DMPK: variants seen among roughly 807,000 people sequenced by gnomAD.
The protein encoded by DMPK is DM1 protein kinase.
Under a neutral mutation model 70.3 loss-of-function variants are expected in DMPK, and 32 were observed. The observed-to-expected ratio is 0.46, with a 90% CI of 0.34 to 0.61. DMPK has a LOEUF of 0.61. Ranked by LOEUF, DMPK falls within the 20% of genes least tolerant of loss-of-function variation. DMPK has a pLI of 0.01. For missense variants in DMPK, 899 were observed against 886.0 expected (o/e 1.01, Z -0.19); for synonymous variants, 469 against 390.9 (o/e 1.20, Z -2.36).
chr19:45,778,487 A>T lies in DMPK; in HGVS notation c.581+6T>A. The T allele has an allele frequency of 1.2e-6, 2 of 1,612,632 alleles. No homozygotes were observed. The highest frequency in any genetic ancestry group is 1.7e-6 in the Non-Finnish European group (2 of 1,179,446). On this transcript the variant is annotated splice_donor_region_variant and intron_variant, in intron 5 of 14. Transcript: ENST00000291270. ...CTTGCTATCCCCTCGGCCATGCTGC[A>T]CCCACCTGTGCACGTAGCCAAGCCG... is the stretch of plus-strand genomic sequence containing the variant.
rs1168457946 is a variant in DMPK, at chr19:45,779,763, C to A, written c.252+15G>T. On this transcript the variant is annotated intron_variant, in intron 2 of 14. Coordinates refer to ENST00000291270, the MANE Select transcript of DMPK (RefSeq NM_004409.5). Reference sequence around the variant, plus strand: ...CACCACGAGTCAAGTCAGGCTCCCGCCCGGTTCGGCTTACCTCGCTGAACG... The same window carrying A: ...CACCACGAGTCAAGTCAGGCTCCCGACCGGTTCGGCTTACCTCGCTGAACG... The A allele has an allele frequency of 6.5e-7, 1 of 1,546,656 alleles. No individual in the cohort carries two copies. The highest frequency in any genetic ancestry group is 8.7e-7 in the Non-Finnish European group (1 of 1,146,512).
rs1283740147 is a variant in DMPK at position 45,777,777 on chromosome 19, C to T, written c.772G>A (p.Glu258Lys). The T allele has an allele frequency of 4.3e-6, 7 of 1,612,928 alleles. No homozygotes were observed. Among genetic ancestry groups the T allele is most frequent in the African/African-American group, 2.7e-5 (2 of 74,932 alleles). ...GGPGTGSYGP[E>K]CDWWALGVFA... ...ACACCCAGCGCCCACCAGTCACACTCGGGCCCGTAGCTGCCTGTCCCAGGC... is the reference window on the plus strand; with the variant it reads ...ACACCCAGCGCCCACCAGTCACACTTGGGCCCGTAGCTGCCTGTCCCAGGC... Residue 258 changes from glutamate to lysine, a missense_variant, in exon 7 of 15, where the codon GAG becomes AAG. Glu to Lys is a moderately conservative substitution (Grantham distance 56, BLOSUM62 1). Coordinates refer to ENST00000291270, the MANE Select transcript of DMPK (RefSeq NM_004409.5). This position sits in a 1 kb window ranked among gnomAD's most constrained non-coding sequence, Gnocchi z 6.7.
chr19:45,777,884 A>G lies in DMPK; in HGVS notation c.676-11T>C, dbSNP rs763738699. ...CACCAGCGACCGCACCTGGACCAAA[A>G]GGAGCAGAGCGAGGCTTGGGCCCAC... On this transcript the variant is annotated splice_polypyrimidine_tract_variant and intron_variant, in intron 6 of 14. Transcript: ENST00000291270. The surrounding 1 kb of genome is among the most constrained non-coding windows in gnomAD (Gnocchi z 6.7). 6.2e-7 allele frequency: 1 copy of G among 1,602,424 alleles called. No homozygotes were observed. The highest frequency in any genetic ancestry group is 1.1e-5 in the South Asian group (1 of 90,496).
In DMPK at chr19:45,771,343, G is replaced by T. The variant is rs747430642; in HGVS notation, c.1647+7C>A. The stretch of plus-strand genomic sequence containing the variant: ...GGTCTGAGGCAGGGGAAAGAGAGGG[G>T]TCTTACATGGGAAGGTGGATCCGTG... On this transcript the variant is annotated splice_region_variant and intron_variant, in intron 13 of 14. Coordinates refer to ENST00000291270, the MANE Select transcript of DMPK (RefSeq NM_004409.5). The T allele has an allele frequency of 1.9e-5, 31 of 1,592,850 alleles. No individual in the cohort carries two copies. Among genetic ancestry groups the T allele is most frequent in the South Asian group, 1.7e-4 (15 of 88,578 alleles).
chr19:45,781,849 A>G (rs1289220418), intron 1 of DMPK, among the ~76,000 whole-genome samples: 1 of 152,126 alleles, frequency 6.6e-6, no homozygotes, highest in African/African-American at 2.4e-5. Context: ...GGAGGGTCCT[A>G]GGAGAGGGAG....
In DMPK at chr19:45,778,124, C is replaced by T. The variant is rs373890653; in HGVS notation, c.675+3G>A. ...TTGCTCTGTGGCCAGGGCACTGGCT[C>T]ACCGTTCCATCTGCCCGCAGCTTGA... is the stretch of plus-strand genomic sequence containing the variant. On this transcript the variant is annotated splice_donor_region_variant and intron_variant, in intron 6 of 14. Coordinates refer to ENST00000291270, the MANE Select transcript of DMPK (RefSeq NM_004409.5). 7 of 1,608,510 alleles carry T rather than the reference C, an allele frequency of 4.4e-6. No individual in the cohort carries two copies. In the African/African-American group the frequency reaches 9.4e-5, roughly 22 times the overall value.
At position 45,771,158 on chromosome 19, in the gene DMPK, C is replaced by G. The variant is rs772841620; in HGVS notation, c.1648-98G>C. Reference sequence around the variant, plus strand: ...GGGGAATCGAGGTTGGGGAGGTTATCTAGGGAGATCCCGGAGGGAATCTGG... The same window carrying G: ...GGGGAATCGAGGTTGGGGAGGTTATGTAGGGAGATCCCGGAGGGAATCTGG... On this transcript the variant is annotated intron_variant, in intron 13 of 14. Coordinates refer to ENST00000291270, the MANE Select transcript of DMPK (RefSeq NM_004409.5). 1.4e-5 allele frequency: 17 copies of G among 1,192,800 alleles called. No individual in the cohort carries two copies. The highest frequency in any genetic ancestry group is 2.0e-5 in the Non-Finnish European group (17 of 859,180). 73.9% of individuals were successfully genotyped at this position (1,192,800 alleles called of 1,614,324 possible). A position where few individuals can be genotyped will look rare whatever the true frequency, so the allele number is the denominator to read the frequency against.
rs1420258134 is a variant in DMPK at position 45,770,244 on chromosome 19, C to CAGCAGCAGCAGCAGCAGCAGCAGG, written c.*243_*244insCCTGCTGCTGCTGCTGCTGCTGCT. ...GCAGCAGCAGCAGCAGCAGCAGCAG[C>CAGCAGCAGCAGCAGCAGCAGCAGG]AGCAGCAGCAGCAGCAGCAGCATTC... is the stretch of plus-strand genomic sequence containing the variant. On this transcript the variant is annotated 3_prime_UTR_variant, in exon 15 of 15. Transcript: ENST00000291270. The CAGCAGCAGCAGCAGCAGCAGCAGG allele has an allele frequency of 4.8e-6, 2 of 412,514 alleles. No homozygotes were observed. Among genetic ancestry groups the CAGCAGCAGCAGCAGCAGCAGCAGG allele is most frequent in the Non-Finnish European group, 7.5e-6 (2 of 267,448 alleles). The allele number at this position is 412,514 out of a possible 1,614,324, so 25.6% of individuals were successfully genotyped here. A position where few individuals can be genotyped will look rare whatever the true frequency, so the allele number is the denominator to read the frequency against.
In DMPK at chr19:45,771,409, G is replaced by C; in HGVS notation, c.1601-13C>G. The C allele has an allele frequency of 1.9e-6, 3 of 1,609,036 alleles. No individual in the cohort carries two copies. The highest frequency in any genetic ancestry group is 2.2e-5 in the South Asian group (2 of 90,798). On this transcript the variant is annotated splice_polypyrimidine_tract_variant and intron_variant, in intron 12 of 14. Transcript: ENST00000291270. The stretch of plus-strand genomic sequence containing the variant: ...ACCCCCGTGACAGCTGGAAGGAGAA[G>C]AAAGAGGCATAGGGCGCGTGGAGGG...
intron 3 of DMPK, 33 bp downstream of exon 3, chr19:45,779,406 C>T: frequency 6.2e-7 from 1 of 1,613,878 alleles, no homozygotes; most frequent in Non-Finnish European, 8.5e-7. Flanking sequence ...GGCGCGGATC[C>T]TCAAAGCCCC....
At position 45,779,816 on chromosome 19, in the gene DMPK, C is replaced by T. The variant is rs1213043004; in HGVS notation, c.214G>A (p.Glu72Lys). The T allele has an allele frequency of 6.3e-7, 1 of 1,583,704 alleles. No individual in the cohort carries two copies. Among genetic ancestry groups the T allele is most frequent in the African/African-American group, 1.3e-5 (1 of 74,076 alleles). The change falls in exon 2 of 15, where the codon GAG becomes AAG. Residue 72 changes from glutamate (E) to lysine (K), a missense_variant. By Grantham distance (56) the Glu-to-Lys change is moderately conservative. This residue lies in a region of DMPK where 149 missense variants were observed against 142.5 expected (regional missense o/e 1.05). Transcript: ENST00000291270. ...KEVRLQRDDF[E>K]ILKVIGRGAF... is the part of the protein sequence containing the mutation. ...CCGCGTCCGATCACCTTCAGAATCTCGAAGTCGTCCCTCTGCAGTCGGACC... is the reference window on the plus strand; with the variant it reads ...CCGCGTCCGATCACCTTCAGAATCTTGAAGTCGTCCCTCTGCAGTCGGACC...
rs1428894425 is a variant in DMPK at position 45,773,330 on chromosome 19, G to A, written c.1233-578C>T. Reference sequence around the variant, plus strand: ...GGACATGCGCCTGGGTTCTAATAGAGGATGGGTTCAATCCTGACCCACCGT... The same window carrying A: ...GGACATGCGCCTGGGTTCTAATAGAAGATGGGTTCAATCCTGACCCACCGT... On this transcript the variant is annotated intron_variant, in intron 9 of 14. Transcript: ENST00000291270. Among the ~76,000 whole-genome samples, 4 of 152,200 alleles carry A rather than the reference G, an allele frequency of 2.6e-5. 1 individual carries two copies. The highest frequency in any genetic ancestry group is 5.9e-5 in the Non-Finnish European group (4 of 68,032).
Position 45,770,356 on chromosome 19 carries a change from C to T in DMPK, c.*132G>A, listed in dbSNP as rs1969305628. On this transcript the variant is annotated 3_prime_UTR_variant, in exon 15 of 15. Coordinates refer to ENST00000291270, the MANE Select transcript of DMPK (RefSeq NM_004409.5). ...GCCGCTAGGGGGCGGGCCCGGATCA[C>T]AGGACTGGAGCTGGGCGGAGACCCA... The T allele has an allele frequency of 7.8e-7, 1 of 1,279,248 alleles. No homozygotes were observed. Among genetic ancestry groups the T allele is most frequent in the Non-Finnish European group, 1.1e-6 (1 of 906,920 alleles). The allele number at this position is 1,279,248 out of a possible 1,614,324, so 79.2% of individuals were successfully genotyped here. A position where few individuals can be genotyped will look rare whatever the true frequency, so the allele number is the denominator to read the frequency against.
Position 45,770,673 on chromosome 19 carries a change from T to A in DMPK, c.1738-33A>T, listed in dbSNP as rs745749923. On this transcript the variant is annotated intron_variant, in intron 14 of 14. Coordinates refer to ENST00000291270, the MANE Select transcript of DMPK (RefSeq NM_004409.5). ...GAGAGGGCGAGGTCAACACCCGGCA[T>A]GGGCCTCTGATTGGCTCCTGGGACT... 1.8e-5 allele frequency: 28 copies of A among 1,546,300 alleles called. No individual in the cohort carries two copies. In the African/African-American group the frequency reaches 2.6e-4, roughly 14 times the overall value.
chr19:45,773,618 T>TC (rs1420460090), intron 9 of DMPK, among the ~76,000 whole-genome samples: 1 of 152,262 alleles, frequency 6.6e-6, no homozygotes, highest in Non-Finnish European at 1.5e-5. Context: ...CTGTATTTTC[T>TC]AATTTACTTG....
intron 1 of DMPK, chr19:45,780,270 T>C: frequency 2.6e-6 from 4 of 1,512,408 alleles, no homozygotes; most frequent in Non-Finnish European, 3.5e-6. Flanking sequence ...ACCCCCACGT[T>C]CTCATGTAGA....
chr19:45,771,025 G>A lies in DMPK; in HGVS notation c.1683C>T (p.Cys561=). The A allele has an allele frequency of 6.7e-7, 1 of 1,489,904 alleles. No individual in the cohort carries two copies. The highest frequency in any genetic ancestry group is 8.9e-7 in the Non-Finnish European group (1 of 1,123,152). The allele number at this position is 1,489,904 out of a possible 1,614,324, so 92.3% of individuals were successfully genotyped here. A position where few individuals can be genotyped will look rare whatever the true frequency, so the allele number is the denominator to read the frequency against. The change falls in exon 14 of 15, where the codon TGC becomes TGT. Residue 561 remains cysteine (C), a synonymous_variant. Transcript: ENST00000291270. The stretch of plus-strand genomic sequence containing the variant: ...GCATGGGGCCTGGCCCCACCAGCGG[G>A]CACTGGCCCACAGCCACGGCCGGGG... ...DGPPAVAVGQ[C]PLVGPGPMHR...
intron 1 of DMPK, among the ~76,000 whole-genome samples, chr19:45,781,449 CAGG>C (rs535503559): frequency 7.8e-4 from 119 of 151,772 alleles, no homozygotes; most frequent in African/African-American, 2.8e-3. Context: ...GGCCCTGGGC[CAGG>C]AGAACTAAAG....
chr19:45,777,568 A>T lies in DMPK; in HGVS notation c.905T>A (p.Val302Glu). The T allele has an allele frequency of 6.2e-7, 1 of 1,613,486 alleles. No homozygotes were observed. The highest frequency in any genetic ancestry group is 8.5e-7 in the Non-Finnish European group (1 of 1,179,824). ...AGCCTCCTCAGGGACCCCTTCGTCC[A>T]CCAGCGGCAGAGAGAGGTGCTCCTG... ...HYKEHLSLPL[V>E]DEGVPEEARD... is the part of the protein sequence containing the mutation. Residue 302 changes from valine to glutamate, a missense_variant, in exon 8 of 15, where the codon GTG (valine) becomes GAG (glutamate). By Grantham distance (121) the Val-to-Glu change is moderately radical (BLOSUM62 -2). This residue lies in a region of DMPK where 555 missense variants were observed against 483.8 expected (regional missense o/e 1.15). Coordinates refer to ENST00000291270, the MANE Select transcript of DMPK (RefSeq NM_004409.5). The surrounding 1 kb of genome is among the most constrained non-coding windows in gnomAD (Gnocchi z 6.7).
Sources: allele counts gnomAD v4.1 joint callset (sites outside exome capture counted in the v4.1 genomes callset), GRCh38; gene constraint gnomAD v4.1.1; regional missense constraint gnomAD v4.1.1; non-coding constraint Gnocchi (gnomAD v3.1); transcripts MANE v1.5; gene names NCBI Gene and HGNC (gene_info 2026-07-23, HGNC 2026-07-21).